GRID2: variants seen among roughly 807,000 people sequenced by gnomAD.
GRID2 encodes glutamate ionotropic receptor delta type subunit 2.
Under a neutral mutation model 114.8 loss-of-function variants are expected in GRID2, and 33 were observed. The ratio of observed to expected loss-of-function variants is 0.29; its 90% CI spans 0.22 to 0.38. The LOEUF (loss-of-function observed/expected upper bound fraction) is 0.38, where lower values mean the gene tolerates loss of function less well. GRID2 is among the 10% of genes least tolerant of loss of function. GRID2 has a pLI of 1.00. For missense variants in GRID2, 1,184 were observed against 1,257.7 expected (o/e 0.94, Z 0.89); for synonymous variants, 505 against 449.9 (o/e 1.12, Z -1.55).
At chr4:93,451,681 G>T (rs891061285) in intron 10 of GRID2, among the ~76,000 whole-genome samples, 4 of 152,056 alleles carry the variant, frequency 2.6e-5, no homozygotes, top group Non-Finnish European at 5.9e-5. Context: ...GTAGATTTCA[G>T]GTAGTCTTAC....
At chr4:92,354,859 A>G (rs1448033537) in intron 1 of GRID2, among the ~76,000 whole-genome samples, 1 of 151,988 alleles carries the variant, frequency 6.6e-6, no homozygotes, top group Admixed American at 6.6e-5. Flanking sequence ...CTTATAGGTC[A>G]ATGAAACTTT....
Position 92,824,109 on chromosome 4 carries a change from G to T in GRID2, c.244+233823G>T, listed in dbSNP as rs537035837. 3.4e-4 allele frequency among the ~76,000 whole-genome samples: 52 copies of T among 152,256 alleles called. 1 individual carries two copies. The South Asian group carries it at 3.9e-3, about 12-fold the overall frequency. On this transcript the variant is annotated intron_variant, in intron 2 of 15. Transcript: ENST00000282020. ...GAAATGTCTGAGCTAGATAATGAAG[G>T]TTAGGCCAGGTGAACAGGAATGTTA...
At chr4:92,897,369 T>G (rs534890271) in intron 2 of GRID2, among the ~76,000 whole-genome samples, 1 of 152,148 alleles carries the variant, frequency 6.6e-6, no homozygotes, top group Non-Finnish European at 1.5e-5. Context: ...TATAAACTAT[T>G]CTCAATCATA....
chr4:93,098,457 T>C (rs1025409997), intron 3 of GRID2, among the ~76,000 whole-genome samples: 8 of 151,916 alleles, frequency 5.3e-5, no homozygotes, highest in African/African-American at 1.9e-4. Context: ...CTAGATGCCA[T>C]AATAAAAGAG....
At chr4:92,386,552 T>C (rs550748505) in intron 1 of GRID2, among the ~76,000 whole-genome samples, 2 of 151,876 alleles carry the variant, frequency 1.3e-5, no homozygotes, top group East Asian at 1.9e-4. Context: ...AAATAAAAAA[T>C]CTTTTATGGA....
intron 8 of GRID2, among the ~76,000 whole-genome samples, chr4:93,384,853 G>A (rs1283621434): frequency 6.6e-6 from 1 of 152,116 alleles, no homozygotes; most frequent in Admixed American, 6.6e-5. Flanking sequence ...GCTAAGAGTT[G>A]TGAATGGACA....
chr4:93,521,985 T>C (rs767716247), intron 13 of GRID2, among the ~76,000 whole-genome samples: 1 of 152,172 alleles, frequency 6.6e-6, no homozygotes, highest in African/African-American at 2.4e-5. Flanking sequence ...AGAAGACATA[T>C]ACAGTATCTG....
chr4:92,952,634 G>A (rs1264662677), intron 2 of GRID2, among the ~76,000 whole-genome samples: 1 of 152,176 alleles, frequency 6.6e-6, no homozygotes, highest in Non-Finnish European at 1.5e-5. Context: ...TGATAGCATA[G>A]TGACTAAACA....
chr4:93,782,315 G>A (rs113103501), intron 1 of GRID2, among the ~76,000 whole-genome samples: 147 of 152,158 alleles, frequency 9.7e-4, no homozygotes, highest in African/African-American at 3.3e-3. Flanking sequence ...CTTAGAAAAC[G>A]AACAAACTAA....
intron 2 of GRID2, among the ~76,000 whole-genome samples, chr4:92,976,188 G>A (rs1753860681): frequency 6.6e-6 from 1 of 151,912 alleles, no homozygotes; most frequent in Non-Finnish European, 1.5e-5. Context: ...ATCTGGTCAA[G>A]TAAAAATAAA....
At chr4:92,984,113 A>G (rs192749379) in intron 2 of GRID2, among the ~76,000 whole-genome samples, 1 of 152,346 alleles carries the variant, frequency 6.6e-6, no homozygotes, top group Non-Finnish European at 1.5e-5. Flanking sequence ...ATTTTTCATA[A>G]TGAACCAAAA....
At chr4:92,822,890 G>A (rs772728052) in intron 2 of GRID2, 1 of 152,500 alleles carries the variant, frequency 6.6e-6, no homozygotes, top group Non-Finnish European at 1.5e-5. Context: ...GCCTTCAAGA[G>A]TGTCACAAAG....
At chr4:92,892,278 G>A (rs1746845613) in intron 2 of GRID2, among the ~76,000 whole-genome samples, 1 of 151,866 alleles carries the variant, frequency 6.6e-6, no homozygotes, top group Admixed American at 6.6e-5. Flanking sequence ...TGGCCTGGCT[G>A]GTCTTGGTTT....
At chr4:93,462,538 A>G (rs1470524996) in intron 11 of GRID2, among the ~76,000 whole-genome samples, 2 of 152,176 alleles carry the variant, frequency 1.3e-5, no homozygotes, top group Non-Finnish European at 2.9e-5. Context: ...AATTTTTGGA[A>G]GAAAATAAAG....
At chr4:92,803,068 TA>T (rs1260050227) in intron 2 of GRID2, among the ~76,000 whole-genome samples, 1 of 151,972 alleles carries the variant, frequency 6.6e-6, no homozygotes, top group Non-Finnish European at 1.5e-5. Flanking sequence ...AATATCAGGA[TA>T]TTTTTTGGAG....
chr4:92,856,219 A>C (rs1199967059), intron 2 of GRID2, among the ~76,000 whole-genome samples: 1 of 151,932 alleles, frequency 6.6e-6, no homozygotes, highest in Admixed American at 6.6e-5. Flanking sequence ...TTTCACCAAC[A>C]ATTTACACGA....
chr4:92,664,885 T>C (rs992600909), intron 2 of GRID2, among the ~76,000 whole-genome samples: 1 of 151,136 alleles, frequency 6.6e-6, no homozygotes, highest in Non-Finnish European at 1.5e-5. Flanking sequence ...GAATATCTTT[T>C]TTAAATCTGT....
At chr4:92,751,491 T>A (rs183955818) in intron 2 of GRID2, among the ~76,000 whole-genome samples, 160 of 152,322 alleles carry the variant, frequency 1.1e-3, no homozygotes, top group Admixed American at 3.1e-3. Flanking sequence ...ATTTACAAAA[T>A]ATAAAACTTC....
intron 1 of GRID2, among the ~76,000 whole-genome samples, chr4:92,315,954 G>A (rs1481906139): frequency 9.0e-6 from 1 of 110,564 alleles, no homozygotes; most frequent in Non-Finnish European, 1.7e-5. Flanking sequence ...TGGGCAACAA[G>A]AGTGAAACTC....
Sources: gnomAD v4.1 joint callset for allele counts (sites outside exome capture counted in the v4.1 genomes callset) on GRCh38, gnomAD v4.1.1 for gene constraint, MANE v1.5 for transcripts, NCBI Gene and HGNC (gene_info 2026-07-23, HGNC 2026-07-21) for gene names.